The following GRIA2 variants were observed in gnomAD, a reference collection of about 807,000 sequenced individuals.
GRIA2 encodes the protein glutamate ionotropic receptor AMPA type subunit 2.
A neutral mutation model predicts 97.3 loss-of-function variants in GRIA2; 14 were observed. That is an observed-to-expected ratio of 0.14 (90% confidence interval 0.10 to 0.23). The LOEUF (loss-of-function observed/expected upper bound fraction) is 0.23, where lower values mean the gene tolerates loss of function less well. GRIA2 is among the 10% of genes least tolerant of loss of function. The pLI, the probability that GRIA2 is intolerant of heterozygous loss-of-function variation, is 1.00. For missense variants in GRIA2, 558 were observed against 1,069.8 expected (o/e 0.52, Z 6.67); for synonymous variants, 412 against 387.8 (o/e 1.06, Z -0.73).
chr4:157,363,216 C>A (rs1736714279), intron 15 of GRIA2, 169 bp downstream of exon 15: 2 of 760,302 alleles, frequency 2.6e-6, no homozygotes, highest in African/African-American at 3.5e-5. Context: ...TGTCTATTTT[C>A]CTCTTTAATG....
chr4:157,324,793 C>A (rs1483582808), intron 6 of GRIA2, among the ~76,000 whole-genome samples: 1 of 152,000 alleles, frequency 6.6e-6, no homozygotes, highest in African/African-American at 2.4e-5. Context: ...TGCTTCCAGA[C>A]AGAAGAGAGG....
At position 157,333,266 on chromosome 4, in the gene GRIA2, C is replaced by T; in HGVS notation, c.1068C>T (p.Leu356=). 1 of 1,587,084 alleles carries T rather than the reference C, an allele frequency of 6.3e-7. No individual in the cohort carries two copies. Among genetic ancestry groups the T allele is most frequent in the Non-Finnish European group, 8.6e-7 (1 of 1,160,732 alleles). Reference sequence around the variant, plus strand: ...TTCATTAGGTTCAGGTTGAAGGTCTCTCAGGAAATATAAAGTTTGACCAGA... The same window carrying T: ...TTCATTAGGTTCAGGTTGAAGGTCTTTCAGGAAATATAAAGTTTGACCAGA... ...RALKQVQVEG[L]SGNIKFDQNG... The change falls in exon 8 of 16, where the codon CTC becomes CTT. Residue 356 remains leucine, a synonymous_variant. Transcript: ENST00000264426.
chr4:157,245,536 G>GA (rs1350501532), intron 2 of GRIA2, among the ~76,000 whole-genome samples: 1 of 151,810 alleles, frequency 6.6e-6, no homozygotes, highest in African/African-American at 2.4e-5. Context: ...AATAACTTTG[G>GA]AAAAATGAAA....
chr4:157,309,426 A>G (rs1343630135), intron 3 of GRIA2, among the ~76,000 whole-genome samples: 1 of 141,404 alleles, frequency 7.1e-6, no homozygotes, highest in Non-Finnish European at 1.5e-5. Flanking sequence ...ACCTCGGCTC[A>G]CTGCAATCAC....
chr4:157,346,295 T>G (rs1251966609), intron 12 of GRIA2, among the ~76,000 whole-genome samples: 2 of 152,134 alleles, frequency 1.3e-5, no homozygotes, highest in Non-Finnish European at 2.9e-5. Flanking sequence ...CACATTTAAG[T>G]CAGTTATTGT....
intron 2 of GRIA2, among the ~76,000 whole-genome samples, chr4:157,248,027 C>G (rs181575624): frequency 6.6e-6 from 1 of 151,772 alleles, no homozygotes; most frequent in Non-Finnish European, 1.5e-5. Context: ...TCTCCCTTAA[C>G]GTTTTGTACT....
At chr4:157,301,218 A>T (rs1733601112) in intron 2 of GRIA2, among the ~76,000 whole-genome samples, 1 of 152,204 alleles carries the variant, frequency 6.6e-6, no homozygotes, top group Admixed American at 6.5e-5. Context: ...GTACACATAC[A>T]CTTATGTATA....
At chr4:157,352,151 T>C (rs1736035813) in intron 12 of GRIA2, among the ~76,000 whole-genome samples, 1 of 152,222 alleles carries the variant, frequency 6.6e-6, no homozygotes. Flanking sequence ...AGTTTTATAA[T>C]ATTGTTAAGT....
chr4:157,221,922 G>A (rs1729515316), intron 2 of GRIA2, 115 bp downstream of exon 2: 15 of 955,508 alleles, frequency 1.6e-5, no homozygotes, highest in Non-Finnish European at 2.5e-5. Context: ...CAGTGTGTGG[G>A]TGTGAGTGAC....
At chr4:157,303,036 T>TG (rs1263895644) in intron 2 of GRIA2, among the ~76,000 whole-genome samples, 2 of 152,170 alleles carry the variant, frequency 1.3e-5, no homozygotes, top group African/African-American at 4.8e-5. Flanking sequence ...TGTGGGGACA[T>TG]GCGTCTGTAT....
intron 2 of GRIA2, among the ~76,000 whole-genome samples, chr4:157,281,489 T>C (rs966944725): frequency 6.6e-6 from 1 of 152,144 alleles, no homozygotes; most frequent in Non-Finnish European, 1.5e-5. Flanking sequence ...TTTGTAGACT[T>C]TTTAATGGTT....
chr4:157,269,919 C>T (rs1163010102), intron 2 of GRIA2, among the ~76,000 whole-genome samples: 1 of 151,830 alleles, frequency 6.6e-6, no homozygotes, highest in East Asian at 1.9e-4. Flanking sequence ...TATATAAGTA[C>T]CTTGAAAAGT....
rs950547727 is a variant in GRIA2 at position 157,363,629 on chromosome 4, A to G, written c.*198A>G. 8.3e-7 allele frequency: 1 copy of G among 1,200,412 alleles called. No individual in the cohort carries two copies. Among genetic ancestry groups the G allele is most frequent in the Middle Eastern group, 2.1e-4 (1 of 4,756 alleles). 74.4% of individuals were successfully genotyped at this position (1,200,412 alleles called of 1,614,324 possible). A position where few individuals can be genotyped will look rare whatever the true frequency, so the allele number is the denominator to read the frequency against. ...TAAGAACCTTTTGAGTGCCTTACAC[A>G]ATGGTTTTCTTGTGTGTTTATTGTC... On this transcript the variant is annotated 3_prime_UTR_variant, in exon 16 of 16. Coordinates refer to ENST00000264426, the MANE Select transcript of GRIA2 (RefSeq NM_001083619.3).
At chr4:157,248,737 G>GTATA (rs767899255) in intron 2 of GRIA2, among the ~76,000 whole-genome samples, 1 of 129,888 alleles carries the variant, frequency 7.7e-6, no homozygotes, top group East Asian at 2.2e-4. Context: ...ATACACGTAT[G>GTATA]TATATATATA....
intron 2 of GRIA2, among the ~76,000 whole-genome samples, chr4:157,239,296 C>G (rs985933257): frequency 1.3e-5 from 2 of 151,938 alleles, no homozygotes; most frequent in African/African-American, 4.8e-5. Flanking sequence ...AATTCTTTTC[C>G]ATGGTTTATT....
At chr4:157,290,594 T>C (rs1733052504) in intron 2 of GRIA2, among the ~76,000 whole-genome samples, 2 of 151,698 alleles carry the variant, frequency 1.3e-5, no homozygotes, top group African/African-American at 4.8e-5. Flanking sequence ...AGCAGGCATA[T>C]TTTAGTTTTC....
At chr4:157,311,218 T>G (rs573527413) in intron 3 of GRIA2, among the ~76,000 whole-genome samples, 2 of 152,184 alleles carry the variant, frequency 1.3e-5, no homozygotes, top group Admixed American at 6.5e-5. Flanking sequence ...AGTCTTCAAA[T>G]TAATTAATTG....
chr4:157,298,705 A>T (rs1733473469), intron 2 of GRIA2, among the ~76,000 whole-genome samples: 1 of 150,432 alleles, frequency 6.6e-6, no homozygotes, highest in South Asian at 2.1e-4. Context: ...TGGAACACCA[A>T]AACATAGTAG....
At chr4:157,280,194 G>A (rs1174174965) in intron 2 of GRIA2, among the ~76,000 whole-genome samples, 1 of 152,114 alleles carries the variant, frequency 6.6e-6, no homozygotes, top group Non-Finnish European at 1.5e-5. Flanking sequence ...TTTGGCTAAA[G>A]ATACAACCAT....
Sources: allele counts gnomAD v4.1 joint callset (sites outside exome capture counted in the v4.1 genomes callset), GRCh38; gene constraint gnomAD v4.1.1; transcripts MANE v1.5; gene names NCBI Gene and HGNC (gene_info 2026-07-23, HGNC 2026-07-21).